Variants in PABPC1 observed in about 807,000 individuals in gnomAD.
PABPC1 encodes polyadenylate-binding protein 1.
Under a neutral mutation model 74.0 loss-of-function variants are expected in PABPC1, and 4 were observed. The observed-to-expected ratio is 0.05, with a 90% CI of 0.03 to 0.12. The LOEUF is 0.12. Ranked by LOEUF, PABPC1 falls within the 10% of genes least tolerant of loss-of-function variation. PABPC1 has a pLI of 1.00. For synonymous variants in PABPC1, 227 were observed against 264.1 expected, an observed-to-expected ratio of 0.86 and a Z score of 1.36; for missense variants, 271 against 821.1, an observed-to-expected ratio of 0.33 and a Z score of 8.19.
At chr8:100,717,736 G>A (rs375865665) in intron 3 of PABPC1, 37 bp downstream of exon 3, 1 of 1,212,498 alleles carries the variant, frequency 8.2e-7, no homozygotes, top group South Asian at 1.3e-5. Context: ...TTAAAAATAA[G>A]ATTCAAAATA....
rs769049279 is a variant in PABPC1, at chr8:100,712,460, A to T, written c.877-3T>A. 3 of 1,570,786 alleles carry T rather than the reference A, an allele frequency of 1.9e-6. No homozygotes were observed. In the East Asian group the frequency reaches 6.7e-5, roughly 35 times the overall value. ...TTTTTCACATAAAGATTAACACCCTAAAAAGAAGAAAAGAAAACTATAGAA... is the reference window on the plus strand; with the variant it reads ...TTTTTCACATAAAGATTAACACCCTTAAAAGAAGAAAAGAAAACTATAGAA... On this transcript the variant is annotated splice_polypyrimidine_tract_variant and splice_region_variant and intron_variant, in intron 6 of 14. Coordinates refer to ENST00000318607, the MANE Select transcript of PABPC1 (RefSeq NM_002568.4).
intron 4 of PABPC1, among the ~76,000 whole-genome samples, chr8:100,713,878 T>C (rs1484793032): frequency 1.6e-4 from 25 of 152,132 alleles, no homozygotes; most frequent in Admixed American, 1.6e-3. Context: ...AATACATAGT[T>C]GGACTCTTTG....
intron 4 of PABPC1, among the ~76,000 whole-genome samples, chr8:100,714,979 G>T (rs1280097393): frequency 6.6e-6 from 1 of 152,060 alleles, no homozygotes; most frequent in East Asian, 1.9e-4. Context: ...CTGAATTTTT[G>T]GTTTCATCGC....
intron 1 of PABPC1, among the ~76,000 whole-genome samples, chr8:100,719,332 A>G (rs1385837360): frequency 6.6e-6 from 1 of 151,850 alleles, no homozygotes; most frequent in African/African-American, 2.4e-5. Context: ...TCTAGAATAT[A>G]GTGATAATCA....
intron 1 of PABPC1, among the ~76,000 whole-genome samples, chr8:100,718,843 A>G (rs1037475176): frequency 6.6e-6 from 1 of 152,230 alleles, no homozygotes; most frequent in Non-Finnish European, 1.5e-5. Context: ...TCAGTGATTC[A>G]TGGCACAACT....
chr8:100,710,288 C>G (rs1810493947), intron 7 of PABPC1, among the ~76,000 whole-genome samples: 2 of 152,230 alleles, frequency 1.3e-5, no homozygotes, highest in South Asian at 4.1e-4. Flanking sequence ...TTGCAAAGAC[C>G]TTTTAAATGA....
chr8:100,704,831 T>C (rs529421687), intron 13 of PABPC1, 95 bp downstream of exon 13: 20 of 1,243,616 alleles, frequency 1.6e-5, no homozygotes, highest in Middle Eastern at 2.8e-4. Context: ...ATGGCTTATA[T>C]ATAACACGAT....
intron 1 of PABPC1, among the ~76,000 whole-genome samples, chr8:100,718,644 G>A (rs1006244720): frequency 1.3e-5 from 2 of 152,108 alleles, no homozygotes; most frequent in African/African-American, 4.8e-5. Context: ...TTAATAAGCA[G>A]TATAAAAGAC....
chr8:100,709,096 T>C (rs1810461594), intron 9 of PABPC1, 37 bp downstream of exon 9: 1 of 1,491,140 alleles, frequency 6.7e-7, no homozygotes, highest in African/African-American at 1.4e-5. Flanking sequence ...TATTTTTAAC[T>C]CAATCCCCAA....
intron 1 of PABPC1, among the ~76,000 whole-genome samples, chr8:100,719,325 A>G (rs1316229411): frequency 6.6e-6 from 1 of 152,030 alleles, no homozygotes; most frequent in Admixed American, 6.5e-5. Context: ...TCCAGTTTCT[A>G]GAATATAGTG....
Position 100,721,804 on chromosome 8 carries a change from G to T in PABPC1, c.-221C>A. On this transcript the variant is annotated 5_prime_UTR_variant, in exon 1 of 15. Transcript: ENST00000318607. The surrounding 1 kb of genome is among the most constrained non-coding windows in gnomAD (Gnocchi z 7.4). ...GGCGGGGAGCGAGGGTGGCGGTGTC[G>T]GGTCCGGGCAGCGGGAAGGCCTCGG... The T allele has an allele frequency of 2.4e-6, 1 of 419,882 alleles. No homozygotes were observed. The highest frequency in any genetic ancestry group is 5.3e-5 in the South Asian group (1 of 18,986). The allele number at this position is 419,882 out of a possible 1,614,324, so 26.0% of individuals were successfully genotyped here.
intron 9 of PABPC1, among the ~76,000 whole-genome samples, chr8:100,708,446 ACT>A (rs1491562352): frequency 3.9e-5 from 6 of 152,034 alleles, no homozygotes; most frequent in African/African-American, 1.2e-4. Flanking sequence ...AAAGAGTGAG[ACT>A]CTGTCTAAAA....
rs1810288656 is a variant in PABPC1, at chr8:100,703,190, A to AT, written c.*170dup. The AT allele has an allele frequency of 6.0e-6, 1 of 166,998 alleles. No homozygotes were observed. The highest frequency in any genetic ancestry group is 1.5e-5 in the Non-Finnish European group (1 of 68,142). 10.3% of individuals were successfully genotyped at this position (166,998 alleles called of 1,614,324 possible). A position where few individuals can be genotyped will look rare whatever the true frequency, so the allele number is the denominator to read the frequency against. On this transcript the variant is annotated 3_prime_UTR_variant, in exon 15 of 15. Coordinates refer to ENST00000318607, the MANE Select transcript of PABPC1 (RefSeq NM_002568.4). ...CAATAAGTAATCTAGGACTAGCATT[A>AT]TGTTTGCTAGACCTGGCATTTGCTC...
chr8:100,715,181 T>C (rs1432915194), intron 4 of PABPC1, among the ~76,000 whole-genome samples: 1 of 151,212 alleles, frequency 6.6e-6, no homozygotes, highest in Non-Finnish European at 1.5e-5. Context: ...AGCCTCTTAA[T>C]GTAGTAAAAT....
Position 100,721,676 on chromosome 8 carries a change from G to T in PABPC1, c.-93C>A. 9.6e-7 allele frequency: 1 copy of T among 1,041,256 alleles called. No individual in the cohort carries two copies. Among genetic ancestry groups the T allele is most frequent in the South Asian group, 2.1e-5 (1 of 47,928 alleles). The allele number at this position is 1,041,256 out of a possible 1,614,324, so 64.5% of individuals were successfully genotyped here. A position where few individuals can be genotyped will look rare whatever the true frequency, so the allele number is the denominator to read the frequency against. On this transcript the variant is annotated 5_prime_UTR_variant, in exon 1 of 15. Coordinates refer to ENST00000318607, the MANE Select transcript of PABPC1 (RefSeq NM_002568.4). The surrounding 1 kb of genome is among the most constrained non-coding windows in gnomAD (Gnocchi z 7.4). Reference sequence around the variant, plus strand: ...GGCTGGGGGCCGGAGCCGGGGGGAGGGGAGCGGGGAGCAAGCGCAGAGGGA... The same window carrying T: ...GGCTGGGGGCCGGAGCCGGGGGGAGTGGAGCGGGGAGCAAGCGCAGAGGGA...
Position 100,721,700 on chromosome 8 carries a change from G to A in PABPC1, c.-117C>T, listed in dbSNP as rs556494644. The A allele has an allele frequency of 1.5e-4, 131 of 874,966 alleles. 1 individual carries two copies. In the Middle Eastern group the frequency reaches 3.5e-3, roughly 23 times the overall value. 54.2% of individuals were successfully genotyped at this position (874,966 alleles called of 1,614,324 possible). ...GGGGAGCGGGGAGCAAGCGCAGAGG[G>A]ACAAAAATCAACCGGAATTGAAAAC... On this transcript the variant is annotated 5_prime_UTR_variant, in exon 1 of 15. Coordinates refer to ENST00000318607, the MANE Select transcript of PABPC1 (RefSeq NM_002568.4). The surrounding 1 kb of genome is among the most constrained non-coding windows in gnomAD (Gnocchi z 7.4).
Position 100,706,763 on chromosome 8 carries a change from G to A in PABPC1, c.1490C>T (p.Ala497Val). ...TQTMGPRPAA[A>V]AAAATPAVRT... Reference sequence around the variant, plus strand: ...GACAGCAGGAGTAGCTGCAGCGGCTGCAGCTGCAGGACGTGGACCCATTGT... The same window carrying A: ...GACAGCAGGAGTAGCTGCAGCGGCTACAGCTGCAGGACGTGGACCCATTGT... The change falls in exon 11 of 15, where the codon GCA becomes GTA. Residue 497 changes from alanine (A) to valine (V), a missense_variant. By Grantham distance (64) the Ala-to-Val change is moderately conservative. Around this residue, in one of 7 missense-constraint regions of PABPC1, gnomAD observed 103 missense variants for 245.3 expected, o/e 0.42. Coordinates refer to ENST00000318607, the MANE Select transcript of PABPC1 (RefSeq NM_002568.4). 6.2e-7 allele frequency: 1 copy of A among 1,613,912 alleles called. No homozygotes were observed.
chr8:100,713,039 C>T (rs1161791843), intron 5 of PABPC1, 48 bp downstream of exon 5: 3 of 1,312,674 alleles, frequency 2.3e-6, no homozygotes, highest in East Asian at 2.3e-5. Context: ...AACACAAGAG[C>T]AACTCAACTT....
rs141693422 is a variant in PABPC1 at position 100,721,564 on chromosome 8, C to G, written c.20G>C (p.Ser7Thr). Residue 7 changes from serine (S) to threonine (T), a missense_variant, in exon 1 of 15, where the codon AGC becomes ACC. Physicochemically the swap from Ser to Thr is moderately conservative, Grantham distance 58. Transcript: ENST00000318607. This position sits in a 1 kb window ranked among gnomAD's most constrained non-coding sequence, Gnocchi z 7.4. ...CACGTAGAGCGAGGCCATGGGGTAG[C>G]TGGGGGCACTGGGGTTCATCTCGGC... MNPSAPSYPMASLYVGD... is the reference protein window; with the variant it reads MNPSAPTYPMASLYVGD... 221 of 1,590,688 alleles carry G rather than the reference C, an allele frequency of 1.4e-4. No individual in the cohort carries two copies. The highest frequency in any genetic ancestry group is 1.7e-4 in the Non-Finnish European group (200 of 1,165,474).
Sources: allele counts gnomAD v4.1 joint callset (sites outside exome capture counted in the v4.1 genomes callset), GRCh38; gene constraint gnomAD v4.1.1; regional missense constraint gnomAD v4.1.1; non-coding constraint Gnocchi (gnomAD v3.1); transcripts MANE v1.5; gene names NCBI Gene and HGNC (gene_info 2026-07-23, HGNC 2026-07-21).